STK32B: variants seen among roughly 807,000 people sequenced by gnomAD.
The protein encoded by STK32B is serine/threonine kinase 32B, also known as serine/threonine-protein kinase 32B.
A neutral mutation model predicts 52.6 loss-of-function variants in STK32B; 43 were observed. The observed-to-expected ratio is 0.82, with a 90% CI of 0.64 to 1.05. The LOEUF is 1.05. Among genes scored for constraint, STK32B ranks in the 50% least tolerant of loss-of-function variants. The probability of loss-of-function intolerance (pLI) is 0.00; values close to 1 mark genes in which losing one functional copy is unlikely to be tolerated. For synonymous variants in STK32B, 238 were observed against 204.3 expected (o/e 1.17, Z -1.41); for missense variants, 621 against 534.6 (o/e 1.16, Z -1.59).
Position 5,170,527 on chromosome 4 carries a change from T to C in STK32B, c.260+2077T>C, listed in dbSNP as rs149524519. ...TCCTGTGTCCATGTGTTCTCATTGT[T>C]CAATACCCACCTATGAGTAAGAACA... On this transcript the variant is annotated intron_variant, in intron 3 of 11. Transcript: ENST00000282908. Among the ~76,000 whole-genome samples the C allele has an allele frequency of 6.7e-3, 1,027 of 152,188 alleles. 10 individuals carry two copies. Among genetic ancestry groups the C allele is most frequent in the African/African-American group, 0.023 (959 of 41,500 alleles).
intron 4 of STK32B, among the ~76,000 whole-genome samples, chr4:5,337,124 A>G (rs932121957): frequency 2.7e-5 from 4 of 147,592 alleles, no homozygotes; most frequent in African/African-American, 1.0e-4. Context: ...GACCATAAGC[A>G]CACACCACCA....
intron 3 of STK32B, among the ~76,000 whole-genome samples, chr4:5,170,450 CGCT>C (rs1719274615): frequency 6.6e-6 from 1 of 151,950 alleles, no homozygotes; most frequent in Non-Finnish European, 1.5e-5. Flanking sequence ...CTAATGCTAT[CGCT>C]CCCCCGTCCC....
Position 5,386,230 on chromosome 4 carries a change from T to C in STK32B, c.435-11977T>C, listed in dbSNP as rs1256358374. Among the ~76,000 whole-genome samples, 1 of 152,128 alleles carries C rather than the reference T, an allele frequency of 6.6e-6. No individual in the cohort carries two copies. The highest frequency in any genetic ancestry group is 1.5e-5 in the Non-Finnish European group (1 of 68,034). On this transcript the variant is annotated intron_variant, in intron 4 of 11. Transcript: ENST00000282908. This position sits in a 1 kb window ranked among gnomAD's most constrained non-coding sequence, Gnocchi z 4.5. Reference sequence around the variant, plus strand: ...CTATTTCCCTCAGCGTATCATATTATGCAGTTTTATCTTTGACTGTCTCTT... The same window carrying C: ...CTATTTCCCTCAGCGTATCATATTACGCAGTTTTATCTTTGACTGTCTCTT...
intron 6 of STK32B, among the ~76,000 whole-genome samples, chr4:5,418,744 A>T (rs1350995643): frequency 6.6e-6 from 1 of 152,190 alleles, no homozygotes; most frequent in Non-Finnish European, 1.5e-5. Flanking sequence ...GCCTCACTTA[A>T]CTCTGGCCAG....
At chr4:5,449,236 G>A (rs1222405672) in intron 7 of STK32B, among the ~76,000 whole-genome samples, 1 of 152,112 alleles carries the variant, frequency 6.6e-6, no homozygotes, top group Non-Finnish European at 1.5e-5. Context: ...GCAGCTAGTC[G>A]AGAGTCTGAG....
In STK32B at chr4:5,398,902, C is replaced by G. The variant is rs1737101317; in HGVS notation, c.472+658C>G. ...GACCACACCTTGAGTAGCAAGGCAC[C>G]AAGTCAGTGGCTCTCCAACTCTGGC... On this transcript the variant is annotated intron_variant, in intron 5 of 11. Transcript: ENST00000282908. This position sits in a 1 kb window ranked among gnomAD's most constrained non-coding sequence, Gnocchi z 4.9. Among the ~76,000 whole-genome samples the G allele has an allele frequency of 1.3e-5, 2 of 152,180 alleles. No homozygotes were observed. Among genetic ancestry groups the G allele is most frequent in the South Asian group, 4.1e-4 (2 of 4,834 alleles).
intron 1 of STK32B, among the ~76,000 whole-genome samples, chr4:5,137,290 C>T (rs955478219): frequency 1.3e-5 from 2 of 152,196 alleles, no homozygotes; most frequent in African/African-American, 4.8e-5. Flanking sequence ...CTCCTCATGG[C>T]AGCTGGTCCT....
chr4:5,211,800 A>G (rs1432980494), intron 3 of STK32B, among the ~76,000 whole-genome samples: 1 of 152,188 alleles, frequency 6.6e-6, no homozygotes, highest in Non-Finnish European at 1.5e-5. Flanking sequence ...AAAGTAAACA[A>G]ACTCGCATTT....
At chr4:5,494,180 G>A (rs1174659202) in intron 11 of STK32B, among the ~76,000 whole-genome samples, 2 of 152,152 alleles carry the variant, frequency 1.3e-5, no homozygotes, top group African/African-American at 4.8e-5. Context: ...ACAGTGGGGT[G>A]TTAAAGTCTC....
At position 5,255,545 on chromosome 4, in the gene STK32B, C is replaced by T. The variant is rs572842658; in HGVS notation, c.261-75675C>T. Among the ~76,000 whole-genome samples, 59 of 152,182 alleles carry T rather than the reference C, an allele frequency of 3.9e-4. No individual in the cohort carries two copies. In the Middle Eastern group the frequency reaches 0.01, roughly 26 times the overall value. On this transcript the variant is annotated intron_variant, in intron 3 of 11. Coordinates refer to ENST00000282908, the MANE Select transcript of STK32B (RefSeq NM_018401.3). Reference sequence around the variant, plus strand: ...CAACCACCCAAATCAAGATACGGAACATTATCAGAGGGTCCCTCATGCCTC... The same window carrying T: ...CAACCACCCAAATCAAGATACGGAATATTATCAGAGGGTCCCTCATGCCTC...
intron 11 of STK32B, among the ~76,000 whole-genome samples, chr4:5,483,565 GT>G (rs557570442): frequency 1.3e-5 from 2 of 151,994 alleles, no homozygotes; most frequent in Non-Finnish European, 1.5e-5. Flanking sequence ...TTTTTTGAAG[GT>G]TTTTTTGTGT....
At chr4:5,050,077 T>A (rs377017028), upstream of STK32B, among the ~76,000 whole-genome samples, 1 of 152,202 alleles carries the variant, frequency 6.6e-6, no homozygotes, top group East Asian at 1.9e-4. Context: ...CCTGTCCACA[T>A]TCCGCCCTAT....
At chr4:5,290,581 C>T (rs1190141721) in intron 3 of STK32B, among the ~76,000 whole-genome samples, 3 of 151,434 alleles carry the variant, frequency 2.0e-5, no homozygotes, top group African/African-American at 7.3e-5. Context: ...TTACACAGCA[C>T]GTGACTGCAT....
intron 2 of STK32B, among the ~76,000 whole-genome samples, chr4:5,147,239 G>A (rs1364260953): frequency 6.6e-6 from 1 of 151,946 alleles, no homozygotes; most frequent in Admixed American, 6.6e-5. Flanking sequence ...GTTTTTAATT[G>A]TTTACTAGTA....
intron 3 of STK32B, among the ~76,000 whole-genome samples, chr4:5,212,423 C>A (rs183794321): frequency 5.9e-5 from 9 of 152,278 alleles, no homozygotes; most frequent in Admixed American, 3.3e-4. Flanking sequence ...TTAAAGAGCT[C>A]TCAAAATGTA....
At chr4:5,189,901 G>T (rs568347727) in intron 3 of STK32B, among the ~76,000 whole-genome samples, 1 of 152,228 alleles carries the variant, frequency 6.6e-6, no homozygotes, top group East Asian at 1.9e-4. Context: ...CATGTCCTCT[G>T]CATTTTTACC....
chr4:5,391,652 G>A (rs1296458591), intron 4 of STK32B, among the ~76,000 whole-genome samples: 2 of 151,596 alleles, frequency 1.3e-5, no homozygotes, highest in Non-Finnish European at 2.9e-5. Context: ...ACAGGGTGCA[G>A]AGGTCAAGCC....
intron 5 of STK32B, among the ~76,000 whole-genome samples, chr4:5,401,734 A>G (rs540047492): frequency 1.3e-5 from 2 of 152,224 alleles, no homozygotes; most frequent in African/African-American, 4.8e-5. Flanking sequence ...ATTTAAAGAC[A>G]TAGAGGGAGG....
At chr4:5,422,062 C>T (rs538909928) in intron 6 of STK32B, among the ~76,000 whole-genome samples, 4 of 152,256 alleles carry the variant, frequency 2.6e-5, no homozygotes, top group Admixed American at 6.5e-5. Flanking sequence ...ATGTGAGAGT[C>T]GGGGTTACTG....
Sources: allele counts gnomAD v4.1 joint callset (sites outside exome capture counted in the v4.1 genomes callset), GRCh38; gene constraint gnomAD v4.1.1; non-coding constraint Gnocchi (gnomAD v3.1); transcripts MANE v1.5; gene names NCBI Gene and HGNC (gene_info 2026-07-23, HGNC 2026-07-21).